The following CLEC10A variants were observed in gnomAD, a reference collection of about 807,000 sequenced individuals.
CLEC10A encodes the protein C-type lectin domain family 10 member A.
CLEC10A carries 38 observed loss-of-function variants against 42.0 expected under a neutral mutation model. The ratio of observed to expected loss-of-function variants is 0.90; its 90% CI spans 0.70 to 1.18. The LOEUF is 1.18. Among genes scored for constraint, CLEC10A ranks in the 50% most tolerant of loss-of-function variants. The pLI is 0.00. For missense variants in CLEC10A, 298 were observed against 345.9 expected (o/e 0.86, Z 1.10); for synonymous variants, 126 against 139.9 (o/e 0.90, Z 0.70).
Position 7,076,966 on chromosome 17 carries a change from A to G in CLEC10A, c.206T>C (p.Leu69Pro). Residue 69 changes from leucine to proline, a missense_variant, in exon 4 of 9, where the codon CTG becomes CCG. Transcript: ENST00000416562. ...GCTAAAATCTGTTCTCAGGGTCACC[A>G]GGTCCCTCTGAAATTTGGAATCTAA... is the stretch of plus-strand genomic sequence containing the variant. ...GFQNSKFQRD[L>P]VTLRTDFSNF... is the part of the protein sequence containing the mutation. 1 of 1,613,796 alleles carries G rather than the reference A, an allele frequency of 6.2e-7. No individual in the cohort carries two copies. Among genetic ancestry groups the G allele is most frequent in the Non-Finnish European group, 8.5e-7 (1 of 1,179,790 alleles).
At chr17:7,078,177 G>T in intron 2 of CLEC10A, 64 bp from the exon 3 acceptor site, 2 of 1,252,972 alleles carry the variant, frequency 1.6e-6, no homozygotes, top group Non-Finnish European at 2.3e-6. Context: ...GAAGGAGAGG[G>T]CCCAGGGAGC....
rs1015579756 is a variant in CLEC10A at position 7,080,081 on chromosome 17, A to G, written c.-103T>C. The G allele has an allele frequency of 7.9e-5, 12 of 152,162 alleles. No homozygotes were observed. Among genetic ancestry groups the G allele is most frequent in the Admixed American group, 7.9e-4 (12 of 15,258 alleles). The allele number at this position is 152,162 out of a possible 1,614,324, so 9.4% of individuals were successfully genotyped here. A position where few individuals can be genotyped will look rare whatever the true frequency, so the allele number is the denominator to read the frequency against. ...GGGAGGTCTGGAGGGTGTGATTCCCACGTTGGTTGTGCTGCAAGGACCAGA... is the reference window on the plus strand; with the variant it reads ...GGGAGGTCTGGAGGGTGTGATTCCCGCGTTGGTTGTGCTGCAAGGACCAGA... On this transcript the variant is annotated 5_prime_UTR_variant, in exon 1 of 9. Coordinates refer to ENST00000416562, the MANE Select transcript of CLEC10A (RefSeq NM_001330070.2).
rs200496384 is a variant in CLEC10A, at chr17:7,075,197, C to A, written c.727G>T (p.Asp243Tyr). 5 of 1,558,292 alleles carry A rather than the reference C, an allele frequency of 3.2e-6. No individual in the cohort carries two copies. The stretch of plus-strand genomic sequence containing the variant: ...CCACCCAGCCCGTGCCCCTGCCAGT[C>A]GTCTGGCTGGCCTGGCTTCCAGTTC... Reference protein sequence around the residue: ...FQNWKPGQPDDWQGHGLGGGE... With the variant: ...FQNWKPGQPDYWQGHGLGGGE... Residue 243 changes from aspartate to tyrosine, a missense_variant, in exon 9 of 9, where the codon GAC becomes TAC. Asp to Tyr is a radical substitution (Grantham distance 160, BLOSUM62 -3). Around this residue, in one of 3 missense-constraint regions of CLEC10A, gnomAD observed 267 missense variants for 289.5 expected, o/e 0.92. Coordinates refer to ENST00000416562, the MANE Select transcript of CLEC10A (RefSeq NM_001330070.2).
At position 7,074,940 on chromosome 17, in the gene CLEC10A, G is replaced by A; in HGVS notation, c.*114C>T. On this transcript the variant is annotated 3_prime_UTR_variant, in exon 9 of 9. Coordinates refer to ENST00000416562, the MANE Select transcript of CLEC10A (RefSeq NM_001330070.2). ...GAAAAAAATTCAAAATGTTAGCAGTGCTTCCAATCTCCCAGTGCTTATTTC... is the reference window on the plus strand; with the variant it reads ...GAAAAAAATTCAAAATGTTAGCAGTACTTCCAATCTCCCAGTGCTTATTTC... 2 of 759,818 alleles carry A rather than the reference G, an allele frequency of 2.6e-6. 1 individual carries two copies. The highest frequency in any genetic ancestry group is 3.9e-6 in the Non-Finnish European group (2 of 511,138). 47.1% of individuals were successfully genotyped at this position (759,818 alleles called of 1,614,324 possible).
At chr17:7,078,581 T>C (rs1331298077) in intron 2 of CLEC10A, 165 bp downstream of exon 2, 2 of 677,582 alleles carry the variant, frequency 3.0e-6, no homozygotes, top group African/African-American at 1.8e-5. Flanking sequence ...CCAGTCTTTC[T>C]AGAGACCTTG....
intron 1 of CLEC10A, 127 bp downstream of exon 1, chr17:7,079,925 T>G (rs933615156): frequency 1.3e-5 from 2 of 152,098 alleles, no homozygotes; most frequent in Non-Finnish European, 2.9e-5. Flanking sequence ...ACGTAGTAAT[T>G]AAACCCCACA....
Position 7,080,126 on chromosome 17 carries a change from T to G in CLEC10A, c.-148A>C, listed in dbSNP as rs1486409905. 4 of 152,246 alleles carry G rather than the reference T, an allele frequency of 2.6e-5. No homozygotes were observed. The highest frequency in any genetic ancestry group is 4.2e-4 in the South Asian group (2 of 4,814). 9.4% of individuals were successfully genotyped at this position (152,246 alleles called of 1,614,324 possible). ...ACCAGAGGTGGGACGTCACTCAGAGTTGGGAGCGCTGTGTCCTGGAGAGCT... is the reference window on the plus strand; with the variant it reads ...ACCAGAGGTGGGACGTCACTCAGAGGTGGGAGCGCTGTGTCCTGGAGAGCT... On this transcript the variant is annotated 5_prime_UTR_variant, in exon 1 of 9. Transcript: ENST00000416562.
intron 3 of CLEC10A, among the ~76,000 whole-genome samples, chr17:7,077,775 C>CCTCTCCTCCATTCCCCTCAATCACT (rs1567746210): frequency 6.6e-6 from 1 of 151,812 alleles, no homozygotes. Context: ...CCATCAGTGC[C>CCTCTCCTCCATTCCCCTCAATCACT]CCATCAGTGC....
chr17:7,079,452 G>A (rs1381916508), intron 1 of CLEC10A, among the ~76,000 whole-genome samples: 2 of 151,992 alleles, frequency 1.3e-5, no homozygotes, highest in Non-Finnish European at 2.9e-5. Flanking sequence ...GTGTGGTGGT[G>A]TGCGCCTGTA....
chr17:7,077,105 G>A (rs1911807331), intron 3 of CLEC10A, 118 bp from the exon 4 acceptor site: 2 of 722,686 alleles, frequency 2.8e-6, no homozygotes, highest in East Asian at 5.2e-5. Flanking sequence ...CAGTGGGGCA[G>A]GCACTATTAT....
intron 5 of CLEC10A, 55 bp downstream of exon 5, chr17:7,076,678 C>G (rs1911771927): frequency 1.3e-6 from 2 of 1,584,144 alleles, no homozygotes; most frequent in African/African-American, 1.3e-5. Flanking sequence ...CTGTTCCCAC[C>G]TCCACTGTGT....
intron 3 of CLEC10A, among the ~76,000 whole-genome samples, chr17:7,077,776 C>CTCTCCTCCATT (rs1259040910): frequency 3.0e-4 from 46 of 151,466 alleles, no homozygotes; most frequent in Non-Finnish European, 3.7e-4. Context: ...CATCAGTGCC[C>CTCTCCTCCATT]CATCAGTGCT....
rs1174967507 is a variant in CLEC10A at position 7,079,308 on chromosome 17, G to A, written c.-73-423C>T. On this transcript the variant is annotated intron_variant, in intron 1 of 8. Coordinates refer to ENST00000416562, the MANE Select transcript of CLEC10A (RefSeq NM_001330070.2). ...AGGAGCTGGGTGGGGGGCGACAGGT[G>A]CGGTGGCTCACGCCTATAAATCCCA... is the stretch of plus-strand genomic sequence containing the variant. Among the ~76,000 whole-genome samples, 6 of 152,276 alleles carry A rather than the reference G, an allele frequency of 3.9e-5. No homozygotes were observed. The South Asian group carries it at 1.0e-3, about 26-fold the overall frequency.
intron 1 of CLEC10A, among the ~76,000 whole-genome samples, chr17:7,079,784 C>A (rs146483985): frequency 6.6e-6 from 1 of 152,046 alleles, no homozygotes; most frequent in African/African-American, 2.4e-5. Flanking sequence ...TCTCGGCTCA[C>A]TGCAACCTCT....
Position 7,074,884 on chromosome 17 carries a change from G to A in CLEC10A, c.*170C>T. ...AGTTGGAAAAAAAATAAAAGCTTAA[G>A]AACACTATACCATCTTTTTAAAATT... On this transcript the variant is annotated 3_prime_UTR_variant, in exon 9 of 9. Transcript: ENST00000416562. 1 of 453,722 alleles carries A rather than the reference G, an allele frequency of 2.2e-6. No homozygotes were observed. Among genetic ancestry groups the A allele is most frequent in the Non-Finnish European group, 3.7e-6 (1 of 269,662 alleles). 28.1% of individuals were successfully genotyped at this position (453,722 alleles called of 1,614,324 possible). A position where few individuals can be genotyped will look rare whatever the true frequency, so the allele number is the denominator to read the frequency against.
In CLEC10A at chr17:7,076,802, T is replaced by C; in HGVS notation, c.283A>G (p.Ser95Gly). 6.2e-7 allele frequency: 1 copy of C among 1,613,904 alleles called. No homozygotes were observed. The highest frequency in any genetic ancestry group is 8.5e-7 in the Non-Finnish European group (1 of 1,179,948). Residue 95 changes from serine to glycine, a missense_variant and splice_region_variant, in exon 5 of 9, where the codon AGC becomes GGC. By Grantham distance (56) the Ser-to-Gly change is moderately conservative. Transcript: ENST00000416562. The stretch of plus-strand genomic sequence containing the variant: ...GATGCTATCGTTTCTTCCAAGCTGC[T>C]GCCTGGAGGACACGGAGACTTGGCT... Reference protein sequence around the residue: ...AEIQALTSQGSSLEETIASLK... With the variant: ...AEIQALTSQGGSLEETIASLK...
At position 7,075,021 on chromosome 17, in the gene CLEC10A, T is replaced by C. The variant is rs1375455658; in HGVS notation, c.*33A>G. On this transcript the variant is annotated 3_prime_UTR_variant, in exon 9 of 9. Coordinates refer to ENST00000416562, the MANE Select transcript of CLEC10A (RefSeq NM_001330070.2). ...GAGAAGAGTCCTCCTCCCACCGCCATTTCTGTGGCCGGGTGGTCCCACCAA... is the reference window on the plus strand; with the variant it reads ...GAGAAGAGTCCTCCTCCCACCGCCACTTCTGTGGCCGGGTGGTCCCACCAA... 3.3e-6 allele frequency: 5 copies of C among 1,515,224 alleles called. No homozygotes were observed. In the African/African-American group the frequency reaches 7.1e-5, roughly 22 times the overall value. The allele number at this position is 1,515,224 out of a possible 1,614,324, so 93.9% of individuals were successfully genotyped here.
At position 7,075,200 on chromosome 17, in the gene CLEC10A, C is replaced by T; in HGVS notation, c.724G>A (p.Asp242Asn). 6.5e-7 allele frequency: 1 copy of T among 1,547,182 alleles called. No individual in the cohort carries two copies. The highest frequency in any genetic ancestry group is 8.7e-7 in the Non-Finnish European group (1 of 1,150,280). Residue 242 changes from aspartate to asparagine, a missense_variant, in exon 9 of 9, where the codon GAC becomes AAC. Physicochemically the swap from Asp to Asn is conservative, Grantham distance 23 (BLOSUM62 1). Coordinates refer to ENST00000416562, the MANE Select transcript of CLEC10A (RefSeq NM_001330070.2). ...GFQNWKPGQP[D>N]DWQGHGLGGG... ...CCCAGCCCGTGCCCCTGCCAGTCGT[C>T]TGGCTGGCCTGGCTTCCAGTTCCTG...
At chr17:7,078,380 C>T (rs544045447) in intron 2 of CLEC10A, 3 of 506,736 alleles carry the variant, frequency 5.9e-6, no homozygotes, top group African/African-American at 3.8e-5. Context: ...GGGGCAGGGG[C>T]AGGAGGACAC....
Sources: gnomAD v4.1 joint callset for allele counts (sites outside exome capture counted in the v4.1 genomes callset) on GRCh38, gnomAD v4.1.1 for gene constraint, gnomAD v4.1.1 regional missense constraint, MANE v1.5 for transcripts, NCBI Gene and HGNC (gene_info 2026-07-23, HGNC 2026-07-21) for gene names.